The following B4GALT5 variants were observed in gnomAD, a reference collection of about 807,000 sequenced individuals.
The protein encoded by B4GALT5 is UDP-Gal:beta-GlcNAc beta-1,4-galactosyltransferase 5.
In B4GALT5, 11 loss-of-function variants were observed where a neutral mutation model predicts 45.0. The observed-to-expected ratio is 0.24, with a 90% CI of 0.15 to 0.40. The LOEUF (loss-of-function observed/expected upper bound fraction) is 0.40. Among genes scored for constraint, B4GALT5 ranks in the 10% least tolerant of loss-of-function variants. The pLI, the probability that B4GALT5 is intolerant of heterozygous loss-of-function variation, is 1.00. For missense variants in B4GALT5, 337 were observed against 500.2 expected, an observed-to-expected ratio of 0.67 and a Z score of 3.11; for synonymous variants, 185 against 182.9, an observed-to-expected ratio of 1.01 and a Z score of -0.09.
At chr20:49,695,886 A>C (rs1299729686) in intron 1 of B4GALT5, among the ~76,000 whole-genome samples, 1 of 152,256 alleles carries the variant, frequency 6.6e-6, no homozygotes, top group African/African-American at 2.4e-5. Flanking sequence ...AATCATTTCC[A>C]ACAACTCAGA....
At chr20:49,700,715 T>C (rs2085858118) in intron 1 of B4GALT5, among the ~76,000 whole-genome samples, 1 of 152,226 alleles carries the variant, frequency 6.6e-6, no homozygotes, top group African/African-American at 2.4e-5. Flanking sequence ...ACTAAATGTG[T>C]ATACAGCGTG....
intron 6 of B4GALT5, 55 bp from the exon 7 acceptor site, chr20:49,639,855 C>G: frequency 6.3e-7 from 1 of 1,593,782 alleles, no homozygotes; most frequent in South Asian, 1.1e-5. Flanking sequence ...AACTGTTTTC[C>G]CTAGAAGGTT....
intron 2 of B4GALT5, among the ~76,000 whole-genome samples, chr20:49,650,263 CTA>C (rs2085616204): frequency 6.6e-6 from 1 of 152,038 alleles, no homozygotes; most frequent in Non-Finnish European, 1.5e-5. Flanking sequence ...CGCAACAACT[CTA>C]TTGCAAAAAT....
At position 49,663,688 on chromosome 20, in the gene B4GALT5, AAAATATATACAT is replaced by A. The variant is rs1291635323; in HGVS notation, c.116-6998_116-6987del. Among the ~76,000 whole-genome samples the A allele has an allele frequency of 8.4e-4, 90 of 106,914 alleles. 5 individuals are homozygous for A. Among genetic ancestry groups the A allele is most frequent in the African/African-American group, 3.3e-3 (86 of 26,184 alleles). 70.1% of individuals were successfully genotyped at this position (106,914 alleles called of 152,430 possible). A position where few individuals can be genotyped will look rare whatever the true frequency, so the allele number is the denominator to read the frequency against. ...AATTCATCTCAAGAAAAAAAAAAAA[AAAATATATACAT>A]ATATATATATATATATATATATATA... is the stretch of plus-strand genomic sequence containing the variant. On this transcript the variant is annotated intron_variant, in intron 1 of 8. Transcript: ENST00000371711.
At chr20:49,685,924 CAA>C (rs199658998) in intron 1 of B4GALT5, among the ~76,000 whole-genome samples, 16 of 120,134 alleles carry the variant, frequency 1.3e-4, no homozygotes, top group Admixed American at 1.7e-4. Flanking sequence ...GATAAATGTG[CAA>C]AAAAAAAAAA....
Position 49,684,797 on chromosome 20 carries a change from A to G in B4GALT5, c.116-28095T>C, listed in dbSNP as rs368020275. 3.1e-4 allele frequency among the ~76,000 whole-genome samples: 47 copies of G among 152,342 alleles called. No homozygotes were observed. The East Asian group carries it at 8.5e-3, about 28-fold the overall frequency. On this transcript the variant is annotated intron_variant, in intron 1 of 8. Coordinates refer to ENST00000371711, the MANE Select transcript of B4GALT5 (RefSeq NM_004776.4). ...GATTAGAGTTTCACTCAGCTAAGACAGAGGTTTGAGTCCCTGCTCGGCTTA... is the reference window on the plus strand; with the variant it reads ...GATTAGAGTTTCACTCAGCTAAGACGGAGGTTTGAGTCCCTGCTCGGCTTA...
intron 1 of B4GALT5, among the ~76,000 whole-genome samples, chr20:49,710,064 C>T (rs999965652): frequency 3.9e-5 from 6 of 152,178 alleles, no homozygotes. Flanking sequence ...GGCTGGGTTA[C>T]AGTATACATG....
At chr20:49,657,183 C>A (rs2085647064) in intron 1 of B4GALT5, among the ~76,000 whole-genome samples, 2 of 152,174 alleles carry the variant, frequency 1.3e-5, no homozygotes, top group Non-Finnish European at 2.9e-5. Context: ...CTGGTCTTGG[C>A]AACCTTTTCA....
rs1255995503 is a variant in B4GALT5, at chr20:49,656,775, T to C, written c.116-73A>G. 15 of 1,574,924 alleles carry C rather than the reference T, an allele frequency of 9.5e-6. No homozygotes were observed. In the Admixed American group the frequency reaches 1.2e-4, roughly 12 times the overall value. On this transcript the variant is annotated intron_variant, in intron 1 of 8. Transcript: ENST00000371711. ...TTTAAAAAAACATACCACATAGCTATGGATTTTTTTTTCTTTTTGGACTTT... is the reference window on the plus strand; with the variant it reads ...TTTAAAAAAACATACCACATAGCTACGGATTTTTTTTTCTTTTTGGACTTT...
intron 2 of B4GALT5, among the ~76,000 whole-genome samples, chr20:49,653,608 C>G (rs2085630971): frequency 6.6e-6 from 1 of 152,198 alleles, no homozygotes; most frequent in African/African-American, 2.4e-5. Context: ...TTCCATGTGC[C>G]TTGTTCCTTT....
chr20:49,663,619 G>A (rs1187072009), intron 1 of B4GALT5, among the ~76,000 whole-genome samples: 1 of 142,482 alleles, frequency 7.0e-6, no homozygotes, highest in Admixed American at 7.4e-5. Flanking sequence ...TAGGAGGCTG[G>A]CTTGAGCCCA....
rs554058779 is a variant in B4GALT5, at chr20:49,684,889, A to G, written c.116-28187T>C. On this transcript the variant is annotated intron_variant, in intron 1 of 8. Coordinates refer to ENST00000371711, the MANE Select transcript of B4GALT5 (RefSeq NM_004776.4). ...TAGGAGAGTTAGAAATAACAAATGT[A>G]GATTCCAGAGTGATTGAAACAGAGT... Among the ~76,000 whole-genome samples the G allele has an allele frequency of 3.9e-5, 6 of 152,342 alleles. No individual in the cohort carries two copies. The South Asian group carries it at 1.2e-3, about 32-fold the overall frequency.
At chr20:49,712,434 G>A (rs967063516) in intron 1 of B4GALT5, among the ~76,000 whole-genome samples, 6 of 151,442 alleles carry the variant, frequency 4.0e-5, no homozygotes, top group East Asian at 1.9e-4. Context: ...GGTGCCCTGT[G>A]GTCTTATAAA....
chr20:49,708,752 C>G (rs987704171), intron 1 of B4GALT5, among the ~76,000 whole-genome samples: 4 of 152,078 alleles, frequency 2.6e-5, no homozygotes, highest in Non-Finnish European at 4.4e-5. Context: ...TCAAGACCAG[C>G]CTGACCAACA....
intron 1 of B4GALT5, among the ~76,000 whole-genome samples, chr20:49,700,804 C>T (rs1003006843): frequency 2.6e-5 from 4 of 152,132 alleles, no homozygotes; most frequent in African/African-American, 4.8e-5. Context: ...GATTTCATCA[C>T]GCCACTCAGA....
intron 1 of B4GALT5, among the ~76,000 whole-genome samples, chr20:49,698,272 G>A (rs1418582459): frequency 1.3e-5 from 2 of 152,028 alleles, no homozygotes; most frequent in Non-Finnish European, 2.9e-5. Flanking sequence ...GCAGTGAGCC[G>A]AGACGGTGGC....
At chr20:49,674,452 G>A (rs551883787) in intron 1 of B4GALT5, among the ~76,000 whole-genome samples, 1 of 152,038 alleles carries the variant, frequency 6.6e-6, no homozygotes, top group African/African-American at 2.4e-5. Flanking sequence ...ATCAAGAACT[G>A]CATTTAGGGT....
intron 1 of B4GALT5, among the ~76,000 whole-genome samples, chr20:49,704,033 T>C (rs1378874983): frequency 1.3e-5 from 2 of 152,252 alleles, no homozygotes; most frequent in African/African-American, 4.8e-5. Context: ...ATTTTTTTCC[T>C]TTTTCAATTA....
intron 3 of B4GALT5, among the ~76,000 whole-genome samples, chr20:49,643,886 G>A (rs1348652520): frequency 1.4e-5 from 2 of 147,842 alleles, no homozygotes; most frequent in African/African-American, 5.0e-5. Flanking sequence ...CAGGGGCCAG[G>A]TAGAAATGAA....
Sources: allele counts gnomAD v4.1 joint callset (sites outside exome capture counted in the v4.1 genomes callset), GRCh38; gene constraint gnomAD v4.1.1; transcripts MANE v1.5; gene names NCBI Gene and HGNC (gene_info 2026-07-23, HGNC 2026-07-21).